Variants in XKR9 observed in about 807,000 individuals in gnomAD.
XKR9 encodes the protein XK-related protein 9.
XKR9 carries 32 observed loss-of-function variants against 32.0 expected under a neutral mutation model. The ratio of observed to expected loss-of-function variants is 1.00; its 90% confidence interval spans 0.76 to 1.34. The LOEUF is 1.34. XKR9 is among the 40% of genes most tolerant of loss of function. XKR9 has a pLI of 0.00. For missense variants in XKR9, 546 were observed against 429.7 expected (o/e 1.27, Z -2.39); for synonymous variants, 168 against 143.4 (o/e 1.17, Z -1.22).
At chr8:71,061,630 TAGAC>T in the XKR9 span, among the ~76,000 whole-genome samples, 4 of 152,120 alleles carry the variant, frequency 2.6e-5, no homozygotes, top group East Asian at 1.9e-4. Context: ...GTGTTTTCAT[TAGAC>T]AGACAGAGAG....
chr8:71,015,254 C>CA, the XKR9 span, among the ~76,000 whole-genome samples: 1 of 152,102 alleles, frequency 6.6e-6, no homozygotes, highest in Non-Finnish European at 1.5e-5. Context: ...AGTACTCTGT[C>CA]AAAAAACGTC....
chr8:70,938,992 G>T, the XKR9 span, among the ~76,000 whole-genome samples: 1 of 150,834 alleles, frequency 6.6e-6, no homozygotes, highest in African/African-American at 2.4e-5. Context: ...TTTTCAGGGG[G>T]TGGTTTTGTC....
At chr8:70,695,312 T>A (rs1253688232) in intron 3 of XKR9, among the ~76,000 whole-genome samples, 17 of 126,762 alleles carry the variant, frequency 1.3e-4, no homozygotes, top group African/African-American at 4.8e-4. Context: ...TATCTCCTAA[T>A]GCTATCCCTC....
intron 4 of XKR9, among the ~76,000 whole-genome samples, chr8:70,733,064 A>G (rs1408377617): frequency 6.6e-6 from 1 of 152,184 alleles, no homozygotes; most frequent in Non-Finnish European, 1.5e-5. Flanking sequence ...TCAACATTGC[A>G]CCACTGCACT....
At chr8:70,881,507 T>C in the XKR9 span, among the ~76,000 whole-genome samples, 4 of 151,986 alleles carry the variant, frequency 2.6e-5, 1 homozygote, top group African/African-American at 9.7e-5. Context: ...AACAGACATA[T>C]GAAAAAATGC....
chr8:70,775,951 G>T (rs1304204717), intron 2 of XKR9, among the ~76,000 whole-genome samples: 1 of 151,956 alleles, frequency 6.6e-6, no homozygotes, highest in East Asian at 1.9e-4. Context: ...TTGCCATCTT[G>T]CCCTGCCTGA....
At chr8:70,876,711 A>G in the XKR9 span, among the ~76,000 whole-genome samples, 1 of 152,130 alleles carries the variant, frequency 6.6e-6, no homozygotes, top group African/African-American at 2.4e-5. Context: ...GTAAAAACCA[A>G]AAGAGTAACA....
intron 3 of XKR9, among the ~76,000 whole-genome samples, chr8:70,691,903 T>G (rs7833211): frequency 0.32 from 48,425 of 152,076 alleles, 9,070 homozygotes; most frequent in Non-Finnish European, 0.43. Context: ...TGGGCTCTTT[T>G]TTTGGTTCCA....
chr8:70,954,537 T>C, the XKR9 span, among the ~76,000 whole-genome samples: 1 of 152,238 alleles, frequency 6.6e-6, no homozygotes, highest in Admixed American at 6.5e-5. Context: ...CTTTGCATTA[T>C]TTTCCATCAA....
At chr8:70,989,341 T>C in the XKR9 span, among the ~76,000 whole-genome samples, 1 of 152,240 alleles carries the variant, frequency 6.6e-6, no homozygotes, top group Non-Finnish European at 1.5e-5. Flanking sequence ...AAAATTTATA[T>C]TATTTGCCCT....
intron 2 of XKR9, among the ~76,000 whole-genome samples, chr8:70,755,002 G>A (rs567837128): frequency 1.3e-5 from 2 of 151,732 alleles, no homozygotes; most frequent in South Asian, 2.1e-4. Flanking sequence ...GAAAATTTTT[G>A]CAACCTACTC....
the XKR9 span, among the ~76,000 whole-genome samples, chr8:71,007,586 T>C: frequency 6.6e-6 from 1 of 150,786 alleles, no homozygotes; most frequent in African/African-American, 2.4e-5. Context: ...ATATGGAAAA[T>C]AAAAGGGGTC....
chr8:70,949,764 C>T, the XKR9 span, among the ~76,000 whole-genome samples: 4 of 151,842 alleles, frequency 2.6e-5, no homozygotes, highest in South Asian at 6.2e-4. Context: ...GGTAAGGGGT[C>T]GGTTTATTTG....
the XKR9 span, among the ~76,000 whole-genome samples, chr8:71,005,540 A>G: frequency 4.6e-5 from 7 of 152,116 alleles, no homozygotes; most frequent in Admixed American, 4.6e-4. Flanking sequence ...TCTTATCTGT[A>G]AAGCAAAAGA....
the XKR9 span, among the ~76,000 whole-genome samples, chr8:70,813,213 AT>A: frequency 3.3e-5 from 5 of 152,226 alleles, no homozygotes; most frequent in Non-Finnish European, 2.9e-5. Context: ...TATTTAATAA[AT>A]GGTGCTGGGA....
At chr8:71,028,513 G>A in the XKR9 span, among the ~76,000 whole-genome samples, 1 of 152,078 alleles carries the variant, frequency 6.6e-6, no homozygotes. Flanking sequence ...GGAGTTGCTG[G>A]TCAAAGGGTA....
intron 4 of XKR9, among the ~76,000 whole-genome samples, chr8:70,721,174 A>G (rs1390310351): frequency 6.6e-6 from 1 of 151,926 alleles, no homozygotes; most frequent in Non-Finnish European, 1.5e-5. Flanking sequence ...TATTGTGTCT[A>G]TTTGATTCTT....
intron 2 of XKR9, among the ~76,000 whole-genome samples, chr8:70,776,231 GTTTC>G (rs1807518506): frequency 6.6e-6 from 1 of 152,122 alleles, no homozygotes; most frequent in Admixed American, 6.6e-5. Flanking sequence ...TTCTAATACA[GTTTC>G]TTTAATTGAC....
At chr8:71,018,881 A>G in the XKR9 span, among the ~76,000 whole-genome samples, 1 of 152,242 alleles carries the variant, frequency 6.6e-6, no homozygotes, top group African/African-American at 2.4e-5. Flanking sequence ...AAAGTTTCAG[A>G]TCGTGTTTTC....
Sources: gnomAD v4.1 joint callset for allele counts (sites outside exome capture counted in the v4.1 genomes callset) on GRCh38, gnomAD v4.1.1 for gene constraint, MANE v1.5 for transcripts, NCBI Gene and HGNC (gene_info 2026-07-23, HGNC 2026-07-21) for gene names.